PITPNM3: variants seen among roughly 807,000 people sequenced by gnomAD.
PITPNM3 encodes PITPNM family member 3, also known as membrane-associated phosphatidylinositol transfer protein 3.
A neutral mutation model predicts 102.0 loss-of-function variants in PITPNM3; 26 were observed. That is an observed-to-expected ratio of 0.25 (90% CI 0.19 to 0.35). PITPNM3 has a LOEUF of 0.35. PITPNM3 is among the 10% of genes least tolerant of loss of function. The pLI is 1.00. For synonymous variants in PITPNM3, 578 were observed against 558.6 expected, an observed-to-expected ratio of 1.03 and a Z score of -0.49; for missense variants, 1,083 against 1,346.1, an observed-to-expected ratio of 0.80 and a Z score of 3.06.
chr17:6,463,711 C>T (rs776930927), intron 17 of PITPNM3, 21 bp downstream of exon 17: 1 of 1,609,464 alleles, frequency 6.2e-7, no homozygotes, highest in Non-Finnish European at 8.5e-7. Context: ...AGATATAGCC[C>T]TCGTGGAAGG....
rs368347727 is a variant in PITPNM3, at chr17:6,455,610, C to T, written c.2653G>A (p.Ala885Thr). 4 of 1,559,194 alleles carry T rather than the reference C, an allele frequency of 2.6e-6. No individual in the cohort carries two copies. Among genetic ancestry groups the T allele is most frequent in the Non-Finnish European group, 1.7e-6 (2 of 1,161,100 alleles). Residue 885 changes from alanine (A) to threonine (T), a missense_variant, in exon 20 of 20, where the codon GCG becomes ACG. By Grantham distance (58) the Ala-to-Thr change is moderately conservative. Around this residue, in one of 5 missense-constraint regions of PITPNM3, gnomAD observed 208 missense variants for 178.2 expected, o/e 1.17. Transcript: ENST00000262483. The part of the protein sequence containing the change: ...LSEGYAAHLA[A>T]LEASHRSRPK... Reference sequence around the variant, plus strand: ...CGTGAGCGGTGGCTGGCCTCCAGCGCGGCCAGGTGTGCGGCGTAGCCCTCG... The same window carrying T: ...CGTGAGCGGTGGCTGGCCTCCAGCGTGGCCAGGTGTGCGGCGTAGCCCTCG...
intron 1 of PITPNM3, among the ~76,000 whole-genome samples, chr17:6,547,290 T>C (rs1910076446): frequency 6.6e-6 from 1 of 152,238 alleles, no homozygotes; most frequent in African/African-American, 2.4e-5. Context: ...TGGTATGTCA[T>C]AAATATGCCA....
intron 4 of PITPNM3, among the ~76,000 whole-genome samples, chr17:6,492,354 T>C (rs12950323): frequency 0.75 from 113,291 of 151,338 alleles, 42,684 homozygotes; most frequent in Middle Eastern, 0.85. Flanking sequence ...TGAGCCACTG[T>C]GCCCAGCCTA....
chr17:6,542,515 C>T (rs1490314669), intron 1 of PITPNM3, among the ~76,000 whole-genome samples: 1 of 152,194 alleles, frequency 6.6e-6, no homozygotes, highest in Non-Finnish European at 1.5e-5. Flanking sequence ...GAGGTTAGAA[C>T]ACGGGCTTTG....
At chr17:6,467,070 A>AAAAAAAAC (rs1567662346) in intron 14 of PITPNM3, among the ~76,000 whole-genome samples, 1 of 26,902 alleles carries the variant, frequency 3.7e-5, no homozygotes, top group Non-Finnish European at 9.2e-5. Context: ...CTCAAAACAA[A>AAAAAAAAC]AAAAAAAAAC....
rs189649659 is a variant in PITPNM3, at chr17:6,503,613, A to G, written c.227-39T>C. On this transcript the variant is annotated intron_variant, in intron 3 of 19. Coordinates refer to ENST00000262483, the MANE Select transcript of PITPNM3 (RefSeq NM_031220.4). ...AAAGAAACATGAGCAGATCCTTGACACTGTTGCCAGGCACTGTGTTTCCCA... is the reference window on the plus strand; with the variant it reads ...AAAGAAACATGAGCAGATCCTTGACGCTGTTGCCAGGCACTGTGTTTCCCA... The G allele has an allele frequency of 8.7e-5, 139 of 1,597,728 alleles. No individual in the cohort carries two copies. In the East Asian group the frequency reaches 2.7e-3, roughly 30 times the overall value.
At chr17:6,532,496 C>A (rs1331376781) in intron 2 of PITPNM3, among the ~76,000 whole-genome samples, 1 of 152,138 alleles carries the variant, frequency 6.6e-6, no homozygotes. Flanking sequence ...CCTCCTCCCC[C>A]AACTCCCCAT....
In PITPNM3 at chr17:6,469,208, C is replaced by A. The variant is rs867181157; in HGVS notation, c.1774-867G>T. 1.3e-5 allele frequency among the ~76,000 whole-genome samples: 2 copies of A among 152,166 alleles called. No individual in the cohort carries two copies. Among genetic ancestry groups the A allele is most frequent in the African/African-American group, 4.8e-5 (2 of 41,422 alleles). On this transcript the variant is annotated intron_variant, in intron 13 of 19. Coordinates refer to ENST00000262483, the MANE Select transcript of PITPNM3 (RefSeq NM_031220.4). This position sits in a 1 kb window ranked among gnomAD's most constrained non-coding sequence, Gnocchi z 4.0. ...AATGCCGTCCAAGCTCTGATGACAC[C>A]CACATTTTTATCTGGAATCCTGATG...
intron 4 of PITPNM3, among the ~76,000 whole-genome samples, chr17:6,499,824 G>A (rs1374424488): frequency 1.3e-5 from 2 of 152,136 alleles, no homozygotes; most frequent in Admixed American, 6.5e-5. Flanking sequence ...TCCACCTCCT[G>A]GGTTCAAGCG....
In PITPNM3 at chr17:6,463,979, G is replaced by T. The variant is rs538131008; in HGVS notation, c.2157-98C>A. ...TAGCTGCAGTCAGAGCTCAGTCTGG[G>T]TCAAGGTCAGAGAGCACCTGGGTGG... On this transcript the variant is annotated intron_variant, in intron 16 of 19. Transcript: ENST00000262483. The T allele has an allele frequency of 1.4e-4, 224 of 1,566,590 alleles. 2 individuals carry two copies. The highest frequency in any genetic ancestry group is 1.4e-3 in the Admixed American group (77 of 55,288).
chr17:6,499,396 G>A (rs1337238767), intron 4 of PITPNM3, among the ~76,000 whole-genome samples: 1 of 152,216 alleles, frequency 6.6e-6, no homozygotes, highest in Admixed American at 6.5e-5. Flanking sequence ...CAACCCAAGA[G>A]GCCCTGTGCT....
At chr17:6,552,528 C>T (rs1358552432) in intron 1 of PITPNM3, among the ~76,000 whole-genome samples, 1 of 152,194 alleles carries the variant, frequency 6.6e-6, no homozygotes, top group Non-Finnish European at 1.5e-5. Context: ...AAACACAGTG[C>T]CAAGTCTTAC....
chr17:6,455,965 A>T (rs1391115598), intron 19 of PITPNM3, among the ~76,000 whole-genome samples: 1 of 151,470 alleles, frequency 6.6e-6, no homozygotes, highest in Non-Finnish European at 1.5e-5. Context: ...ATGCATCTCT[A>T]CCTGTACCCA....
chr17:6,482,050 CTCTCTCTCTCTCTCTG>C (rs1161875025), intron 6 of PITPNM3, among the ~76,000 whole-genome samples: 13 of 106,528 alleles, frequency 1.2e-4, no homozygotes, highest in Non-Finnish European at 2.1e-4. Flanking sequence ...GTCTCTCTCT[CTCTCTCTCTCTCTCTG>C]TCTCTCTCTC....
chr17:6,536,407 T>C (rs1170164132), intron 2 of PITPNM3, among the ~76,000 whole-genome samples: 1 of 152,234 alleles, frequency 6.6e-6, no homozygotes, highest in Non-Finnish European at 1.5e-5. Flanking sequence ...ATATTGAAGC[T>C]GTTGTTGTCT....
At chr17:6,507,866 A>G (rs2150615784) in intron 3 of PITPNM3, among the ~76,000 whole-genome samples, 1 of 152,244 alleles carries the variant, frequency 6.6e-6, no homozygotes, top group Non-Finnish European at 1.5e-5. Flanking sequence ...CAGACCATCC[A>G]ATACTTTCAT....
intron 17 of PITPNM3, among the ~76,000 whole-genome samples, chr17:6,462,260 C>A (rs1394955180): frequency 6.6e-6 from 1 of 152,146 alleles, no homozygotes; most frequent in Admixed American, 6.5e-5. Flanking sequence ...CATGGTGATT[C>A]CTGTACATCG....
In PITPNM3 at chr17:6,504,772, C is replaced by G. The variant is rs559364966; in HGVS notation, c.227-1198G>C. Among the ~76,000 whole-genome samples the G allele has an allele frequency of 2.6e-5, 4 of 152,316 alleles. No homozygotes were observed. In the South Asian group the frequency reaches 8.3e-4, roughly 32 times the overall value. ...AGCTTCTTCACTTACGAACCATGCACCCTTGGGCAAGTTACACAACCTGTA... is the reference window on the plus strand; with the variant it reads ...AGCTTCTTCACTTACGAACCATGCAGCCTTGGGCAAGTTACACAACCTGTA... On this transcript the variant is annotated intron_variant, in intron 3 of 19. Transcript: ENST00000262483.
chr17:6,456,156 T>C (rs1477677342), intron 19 of PITPNM3, among the ~76,000 whole-genome samples: 1 of 152,164 alleles, frequency 6.6e-6, no homozygotes, highest in Non-Finnish European at 1.5e-5. Context: ...CCCGAGTAAC[T>C]GGGACCACGG....
Sources: allele counts gnomAD v4.1 joint callset (sites outside exome capture counted in the v4.1 genomes callset), GRCh38; gene constraint gnomAD v4.1.1; regional missense constraint gnomAD v4.1.1; non-coding constraint Gnocchi (gnomAD v3.1); transcripts MANE v1.5; gene names NCBI Gene and HGNC (gene_info 2026-07-23, HGNC 2026-07-21).